The following CLEC4C variants were observed in gnomAD, a reference collection of about 807,000 sequenced individuals.
CLEC4C encodes C-type (calcium dependent, carbohydrate-recognition domain) lectin, superfamily member 11.
In CLEC4C, 17 loss-of-function variants were observed where a neutral mutation model predicts 27.7. That is an observed-to-expected ratio of 0.61 (90% CI 0.42 to 0.92). The LOEUF is 0.92. Among genes scored for constraint, CLEC4C ranks in the 40% least tolerant of loss-of-function variants. The pLI is 0.00. For missense variants in CLEC4C, 244 were observed against 257.3 expected, an observed-to-expected ratio of 0.95 and a Z score of 0.35; for synonymous variants, 80 against 80.8, an observed-to-expected ratio of 0.99 and a Z score of 0.06.
intron 2 of CLEC4C, among the ~76,000 whole-genome samples, chr12:7,742,390 G>T (rs148528336): frequency 0.011 from 1,674 of 149,292 alleles, 39 homozygotes; most frequent in African/African-American, 0.038. Flanking sequence ...GCACATGCCT[G>T]TAATCCCAGC....
At chr12:7,738,155 T>C (rs1864771648) in intron 3 of CLEC4C, among the ~76,000 whole-genome samples, 1 of 152,226 alleles carries the variant, frequency 6.6e-6, no homozygotes, top group African/African-American at 2.4e-5. Context: ...CATCCCATTA[T>C]AAAGAATGAG....
intron 2 of CLEC4C, 33 bp downstream of exon 2, chr12:7,746,298 C>A: frequency 8.1e-7 from 1 of 1,229,028 alleles, no homozygotes; most frequent in African/African-American, 1.5e-5. Flanking sequence ...GGAAAAGGAC[C>A]AAGAGATGAC....
chr12:7,730,748 A>AC (rs764129452), intron 5 of CLEC4C, 49 bp downstream of exon 5: 6 of 941,592 alleles, frequency 6.4e-6, no homozygotes, highest in Admixed American at 5.4e-5. Flanking sequence ...AACACCCTAA[A>AC]CCCCTACATG....
chr12:7,744,663 G>T (rs1864931518), intron 2 of CLEC4C, among the ~76,000 whole-genome samples: 2 of 152,084 alleles, frequency 1.3e-5, no homozygotes, highest in South Asian at 2.1e-4. Context: ...CGCCCAGGCT[G>T]GATTGCAGTG....
At position 7,746,235 on chromosome 12, in the gene CLEC4C, A is replaced by G. The variant is rs1021015948; in HGVS notation, c.124+96T>C. The G allele has an allele frequency of 2.3e-5, 16 of 706,628 alleles. No homozygotes were observed. The Admixed American group carries it at 3.4e-4, about 15-fold the overall frequency. 43.8% of individuals were successfully genotyped at this position (706,628 alleles called of 1,614,324 possible). On this transcript the variant is annotated intron_variant, in intron 2 of 5. Transcript: ENST00000360345. ...TCTCAAAAAAAAAAAAAAAAAAAAG[A>G]AAAAAAAAGAAAGAGGAACGTGTTT...
intron 2 of CLEC4C, among the ~76,000 whole-genome samples, chr12:7,744,740 G>C (rs1223580192): frequency 6.6e-6 from 1 of 151,928 alleles, no homozygotes. Flanking sequence ...TCAACCTCCT[G>C]AGTAGCTGGG....
chr12:7,746,829 T>C (rs1231303929), intron 1 of CLEC4C, among the ~76,000 whole-genome samples: 1 of 152,142 alleles, frequency 6.6e-6, no homozygotes, highest in Non-Finnish European at 1.5e-5. Context: ...GTTTTTCTTT[T>C]TTTCTTTTTT....
At chr12:7,747,237 C>T (rs1865003263) in intron 1 of CLEC4C, 81 bp downstream of exon 1, 1 of 1,228,160 alleles carries the variant, frequency 8.1e-7, no homozygotes. Context: ...CTTCCAAAGT[C>T]ATCCCTATCA....
At position 7,738,003 on chromosome 12, in the gene CLEC4C, AAAGACAAATACTTT is replaced by A. The variant is rs747438456; in HGVS notation, c.236-443_236-430del. Among the ~76,000 whole-genome samples, 713 of 152,350 alleles carry A rather than the reference AAAGACAAATACTTT, an allele frequency of 4.7e-3. 4 individuals carry two copies. The highest frequency in any genetic ancestry group is 0.016 in the African/African-American group (676 of 41,598). On this transcript the variant is annotated intron_variant, in intron 3 of 5. Coordinates refer to ENST00000360345, the MANE Select transcript of CLEC4C (RefSeq NM_001371390.1). ...GCTTTAAACCCACAAAAATGATCTG[AAAGACAAATACTTT>A]AACTTCAGGTTCTCATCATTCATTG...
chr12:7,748,710 CT>C (rs1421015969), upstream of CLEC4C, among the ~76,000 whole-genome samples: 2 of 152,166 alleles, frequency 1.3e-5, no homozygotes, highest in African/African-American at 4.8e-5. Flanking sequence ...CTCCCTGTTG[CT>C]TTCCTCTGTC....
rs1864982287 is a variant in CLEC4C at position 7,746,349 on chromosome 12, A to G, written c.106T>C (p.Phe36Leu). 1 of 1,612,798 alleles carries G rather than the reference A, an allele frequency of 6.2e-7. No individual in the cohort carries two copies. The highest frequency in any genetic ancestry group is 2.2e-5 in the East Asian group (1 of 44,878). ...AACTTACCCACAGAACTCACAGTGA[A>G]ACAGACACTGAGGAGCAAGATGGAT... Reference protein sequence around the residue: ...VVSILLLSVCFTVSSVVPHNF... With the variant: ...VVSILLLSVCLTVSSVVPHNF... Residue 36 changes from phenylalanine (F) to leucine (L), a missense_variant, in exon 2 of 6, where the codon TTC (phenylalanine) becomes CTC (leucine). Coordinates refer to ENST00000360345, the MANE Select transcript of CLEC4C (RefSeq NM_001371390.1).
intron 4 of CLEC4C, among the ~76,000 whole-genome samples, chr12:7,733,772 C>T (rs189558128): frequency 1.8e-4 from 27 of 152,000 alleles, no homozygotes; most frequent in Admixed American, 1.6e-3. Context: ...TGAGCCACCG[C>T]ACCTGGCCCC....
intron 3 of CLEC4C, among the ~76,000 whole-genome samples, chr12:7,740,086 G>A (rs1864818958): frequency 1.3e-5 from 2 of 151,598 alleles, no homozygotes; most frequent in South Asian, 2.1e-4. Flanking sequence ...CACCCGCGTC[G>A]GCCTCCCAAA....
Position 7,746,234 on chromosome 12 carries a change from GAAAAAA to G in CLEC4C, c.124+91_124+96del, listed in dbSNP as rs1209847578. The G allele has an allele frequency of 3.2e-5, 18 of 568,352 alleles. No individual in the cohort carries two copies. In the African/African-American group the frequency reaches 3.4e-4, roughly 11 times the overall value. The allele number at this position is 568,352 out of a possible 1,614,324, so 35.2% of individuals were successfully genotyped here. On this transcript the variant is annotated intron_variant, in intron 2 of 5. Transcript: ENST00000360345. ...GTCTCAAAAAAAAAAAAAAAAAAAA[GAAAAAA>G]AAAGAAAGAGGAACGTGTTTCTTCA...
chr12:7,739,878 C>T (rs1346436477), intron 3 of CLEC4C, among the ~76,000 whole-genome samples: 4 of 148,564 alleles, frequency 2.7e-5, no homozygotes, highest in Non-Finnish European at 4.4e-5. Context: ...GAGTTTCACT[C>T]TTATTGTCCA....
At chr12:7,741,163 G>A (rs1285634474) in intron 3 of CLEC4C, among the ~76,000 whole-genome samples, 3 of 152,088 alleles carry the variant, frequency 2.0e-5, no homozygotes, top group East Asian at 3.9e-4. Context: ...CGGTTTCTCC[G>A]CATGTTGGTC....
chr12:7,732,350 A>AT (rs143167180), intron 4 of CLEC4C, among the ~76,000 whole-genome samples: 1,485 of 136,096 alleles, frequency 0.011, 31 homozygotes, highest in African/African-American at 0.038. Flanking sequence ...TTATTTTTTT[A>AT]TTTTTTTTAT....
Position 7,729,470 on chromosome 12 carries a change from T to C in CLEC4C, c.*126A>G, listed in dbSNP as rs1425118600. ...TGGATTATATCATAAGTGTAATAGG[T>C]GACAGCCTGCTGAAACATTTTAGGG... On this transcript the variant is annotated 3_prime_UTR_variant, in exon 6 of 6. Coordinates refer to ENST00000360345, the MANE Select transcript of CLEC4C (RefSeq NM_001371390.1). 3 of 744,194 alleles carry C rather than the reference T, an allele frequency of 4.0e-6. No homozygotes were observed. Among genetic ancestry groups the C allele is most frequent in the East Asian group, 2.6e-5 (1 of 38,426 alleles). The allele number at this position is 744,194 out of a possible 1,614,324, so 46.1% of individuals were successfully genotyped here. A position where few individuals can be genotyped will look rare whatever the true frequency, so the allele number is the denominator to read the frequency against.
intron 4 of CLEC4C, among the ~76,000 whole-genome samples, chr12:7,732,957 AAAAAT>A (rs1167434747): frequency 1.3e-5 from 2 of 151,968 alleles, no homozygotes; most frequent in East Asian, 1.9e-4. Context: ...TTCTGTCTCA[AAAAAT>A]AAAATAAAGA....
Sources: gnomAD v4.1 joint callset for allele counts (sites outside exome capture counted in the v4.1 genomes callset) on GRCh38, gnomAD v4.1.1 for gene constraint, MANE v1.5 for transcripts, NCBI Gene and HGNC (gene_info 2026-07-23, HGNC 2026-07-21) for gene names.